The following OR52N2 variants were observed in gnomAD, a reference collection of about 807,000 sequenced individuals.
OR52N2 encodes olfactory receptor 52N2.
For missense variants in OR52N2, 326 were observed against 196.6 expected (o/e 1.66, Z -3.94); for synonymous variants, 129 against 72.0 (o/e 1.79, Z -4.01).
At chr11:5,810,032 C>T (rs545983130) in intron 1 of OR52N2, among the ~76,000 whole-genome samples, 1 of 152,344 alleles carries the variant, frequency 6.6e-6, no homozygotes, top group Non-Finnish European at 1.5e-5. Context: ...TTTAGAACAA[C>T]ATTCTTCTTG....
chr11:5,820,322 T>G lies in OR52N2; in HGVS notation c.-14T>G, dbSNP rs1040475559. ...TGCTAAAGAGTATAAAATGCTCTCC[T>G]CCTGTCAGCCATCATGTCTGGGGAC... On this transcript the variant is annotated 5_prime_UTR_variant, in exon 2 of 2. Transcript: ENST00000317037. 1 of 779,394 alleles carries G rather than the reference T, an allele frequency of 1.3e-6. No homozygotes were observed. Among genetic ancestry groups the G allele is most frequent in the African/African-American group, 1.7e-5 (1 of 59,066 alleles). The allele number at this position is 779,394 out of a possible 1,614,324, so 48.3% of individuals were successfully genotyped here.
intron 1 of OR52N2, among the ~76,000 whole-genome samples, chr11:5,819,831 T>C (rs1283833917): frequency 1.3e-5 from 2 of 152,212 alleles, no homozygotes; most frequent in Non-Finnish European, 2.9e-5. Flanking sequence ...TGAGATATTG[T>C]TAAAAACGGA....
chr11:5,817,805 TACAGAGTGG>T (rs1282649732), intron 1 of OR52N2, among the ~76,000 whole-genome samples: 6 of 152,150 alleles, frequency 3.9e-5, no homozygotes, highest in Admixed American at 3.9e-4. Flanking sequence ...CAGAAATGCA[TACAGAGTGG>T]ATTAAGATAT....
intron 1 of OR52N2, among the ~76,000 whole-genome samples, chr11:5,816,394 C>A (rs1227656437): frequency 6.6e-6 from 1 of 152,120 alleles, no homozygotes; most frequent in African/African-American, 2.4e-5. Context: ...CTAAACCAAA[C>A]ACAATACAAA....
chr11:5,820,683 G>T lies in OR52N2; in HGVS notation c.348G>T (p.Val116=), dbSNP rs764206944. 1 of 792,556 alleles carries T rather than the reference G, an allele frequency of 1.3e-6. No individual in the cohort carries two copies. The highest frequency in any genetic ancestry group is 2.4e-5 in the East Asian group (1 of 41,294). The allele number at this position is 792,556 out of a possible 1,614,324, so 49.1% of individuals were successfully genotyped here. A position where few individuals can be genotyped will look rare whatever the true frequency, so the allele number is the denominator to read the frequency against. Residue 116 remains valine, a synonymous_variant, in exon 2 of 2, where the codon GTG becomes GTT. Coordinates refer to ENST00000317037, the MANE Select transcript of OR52N2 (RefSeq NM_001005174.3). Reference sequence around the variant, plus strand: ...TGCTGACAGGGATGGAGTCTGGGGTGCTCATGCTCATGGCCCTGGACCGCT... The same window carrying T: ...TGCTGACAGGGATGGAGTCTGGGGTTCTCATGCTCATGGCCCTGGACCGCT... ...VHMLTGMESG[V]LMLMALDRYV...
chr11:5,818,323 C>A (rs1846419922), intron 1 of OR52N2, among the ~76,000 whole-genome samples: 1 of 152,182 alleles, frequency 6.6e-6, no homozygotes, highest in Non-Finnish European at 1.5e-5. Flanking sequence ...TCAAAAGCTG[C>A]TAAATATACA....
At chr11:5,811,688 A>C (rs1846362137) in intron 1 of OR52N2, among the ~76,000 whole-genome samples, 4 of 152,142 alleles carry the variant, frequency 2.6e-5, no homozygotes, top group Admixed American at 2.6e-4. Context: ...ACAAGAAAAC[A>C]ACAAAATGGC....
In OR52N2 at chr11:5,808,964, G is replaced by A. The variant is rs1846330200; in HGVS notation, c.-145G>A. 6.8e-6 allele frequency among the ~76,000 whole-genome samples: 1 copy of A among 147,150 alleles called. No homozygotes were observed. Among genetic ancestry groups the A allele is most frequent in the Non-Finnish European group, 1.5e-5 (1 of 67,962 alleles). The stretch of plus-strand genomic sequence containing the variant: ...GCAAGCCTCTCCTCCTCGCGTTGCT[G>A]AGAGTCCGAGTTTATTCATCACAAT... On this transcript the variant is annotated 5_prime_UTR_variant, in exon 1 of 2. Coordinates refer to ENST00000317037, the MANE Select transcript of OR52N2 (RefSeq NM_001005174.3).
chr11:5,819,763 C>T (rs552532142), intron 1 of OR52N2, among the ~76,000 whole-genome samples: 2 of 152,074 alleles, frequency 1.3e-5, no homozygotes, highest in Non-Finnish European at 2.9e-5. Flanking sequence ...TTACTGACAT[C>T]TTATATATAG....
At position 5,820,344 on chromosome 11, in the gene OR52N2, G is replaced by A. The variant is rs1377312414; in HGVS notation, c.9G>A (p.Gly3=). The A allele has an allele frequency of 1.3e-6, 1 of 780,452 alleles. No homozygotes were observed. The highest frequency in any genetic ancestry group is 2.4e-6 in the Non-Finnish European group (1 of 417,972). 48.3% of individuals were successfully genotyped at this position (780,452 alleles called of 1,614,324 possible). A position where few individuals can be genotyped will look rare whatever the true frequency, so the allele number is the denominator to read the frequency against. Residue 3 remains glycine, a synonymous_variant, in exon 2 of 2, where the codon GGG becomes GGA. Transcript: ENST00000317037. ...TCCTCCTGTCAGCCATCATGTCTGG[G>A]GACAACAGCTCCAGCCTGACCCCAG... MS[G]DNSSSLTPGF...
intron 1 of OR52N2, among the ~76,000 whole-genome samples, chr11:5,813,296 C>A (rs1285874895): frequency 1.3e-5 from 2 of 151,736 alleles, no homozygotes; most frequent in Admixed American, 1.3e-4. Flanking sequence ...AGAGGCATTA[C>A]AACTGAATCC....
At chr11:5,816,808 G>A (rs896981996) in intron 1 of OR52N2, among the ~76,000 whole-genome samples, 1 of 152,060 alleles carries the variant, frequency 6.6e-6, no homozygotes, top group African/African-American at 2.4e-5. Flanking sequence ...GAGCCACTGC[G>A]CCTGACCTCC....
Position 5,820,774 on chromosome 11 carries a change from G to T in OR52N2, c.439G>T (p.Gly147Cys). The T allele has an allele frequency of 1.3e-6, 1 of 771,832 alleles. No individual in the cohort carries two copies. The highest frequency in any genetic ancestry group is 2.4e-6 in the Non-Finnish European group (1 of 414,466). The allele number at this position is 771,832 out of a possible 1,614,324, so 47.8% of individuals were successfully genotyped here. ...TACCAACCCTGTCATCGCCAAGGCTGGTCTTGCCACCTTCTTGAGGAATGT... is the reference window on the plus strand; with the variant it reads ...TACCAACCCTGTCATCGCCAAGGCTTGTCTTGCCACCTTCTTGAGGAATGT... ...ILTNPVIAKA[G>C]LATFLRNVML... is the part of the protein sequence containing the mutation. Residue 147 changes from glycine to cysteine, a missense_variant, in exon 2 of 2, where the codon GGT becomes TGT. Transcript: ENST00000317037.
At chr11:5,809,914 T>C (rs986225206) in intron 1 of OR52N2, among the ~76,000 whole-genome samples, 8 of 152,234 alleles carry the variant, frequency 5.3e-5, no homozygotes, top group African/African-American at 1.7e-4. Context: ...GAAGATACTG[T>C]ATTATGAGAA....
rs1846454674 is a variant in OR52N2 at position 5,821,468 on chromosome 11, C to T, written c.*167C>T. The T allele has an allele frequency of 1.8e-6, 1 of 568,524 alleles. No homozygotes were observed. The highest frequency in any genetic ancestry group is 3.1e-6 in the Non-Finnish European group (1 of 322,418). The allele number at this position is 568,524 out of a possible 1,614,324, so 35.2% of individuals were successfully genotyped here. ...TAGAAATAAAAAATCAAAATAAAGA[C>T]ATAAATTTGTAAGTCACCATAATAT... On this transcript the variant is annotated 3_prime_UTR_variant, in exon 2 of 2. Transcript: ENST00000317037.
At chr11:5,811,584 A>G (rs533886044) in intron 1 of OR52N2, among the ~76,000 whole-genome samples, 1 of 150,794 alleles carries the variant, frequency 6.6e-6, no homozygotes, top group Non-Finnish European at 1.5e-5. Flanking sequence ...CAAAATATAG[A>G]AAGTAAAGAA....
chr11:5,813,594 C>T (rs1003746582), intron 1 of OR52N2, among the ~76,000 whole-genome samples: 2 of 152,050 alleles, frequency 1.3e-5, no homozygotes, highest in African/African-American at 2.4e-5. Context: ...TGAATTCTAC[C>T]GAACATTTAA....
chr11:5,814,383 C>A (rs1846386218), intron 1 of OR52N2, among the ~76,000 whole-genome samples: 1 of 151,772 alleles, frequency 6.6e-6, no homozygotes, highest in East Asian at 1.9e-4. Context: ...TTAGAAAAAA[C>A]AATTCACAAT....
intron 1 of OR52N2, among the ~76,000 whole-genome samples, chr11:5,815,361 A>G (rs1846395954): frequency 6.6e-6 from 1 of 152,136 alleles, no homozygotes; most frequent in Admixed American, 6.5e-5. Context: ...AAATATATAT[A>G]GAGCTCCTAA....
Sources: allele counts gnomAD v4.1 joint callset (sites outside exome capture counted in the v4.1 genomes callset), GRCh38; gene constraint gnomAD v4.1.1; transcripts MANE v1.5; gene names NCBI Gene and HGNC (gene_info 2026-07-23, HGNC 2026-07-21).